The following RGS6 variants were observed in gnomAD, a reference collection of about 807,000 sequenced individuals.
RGS6 encodes regulator of G protein signaling 6, also known as regulator of G-protein signaling 6.
Under a neutral mutation model 78.5 loss-of-function variants are expected in RGS6, and 30 were observed. That is an observed-to-expected ratio of 0.38 (90% CI 0.29 to 0.52). The LOEUF (loss-of-function observed/expected upper bound fraction) is 0.52. RGS6 is among the 20% of genes least tolerant of loss of function. The pLI is 0.85. For synonymous variants in RGS6, 206 were observed against 206.0 expected, an observed-to-expected ratio of 1.00 and a Z score of 0.00; for missense variants, 495 against 609.7, an observed-to-expected ratio of 0.81 and a Z score of 1.98.
chr14:72,395,706 C>T lies in RGS6; in HGVS notation c.184+43512C>T, dbSNP rs553865610. Among the ~76,000 whole-genome samples, 121 of 152,026 alleles carry T rather than the reference C, an allele frequency of 8.0e-4. 2 individuals are homozygous for T. In the South Asian group the frequency reaches 0.017, roughly 22 times the overall value. The stretch of plus-strand genomic sequence containing the variant: ...CTTCCCCCCACCCCACAACAGGCCC[C>T]GGTGTGTGATGTTCCCCGTCCTGTG... On this transcript the variant is annotated intron_variant, in intron 3 of 17. Coordinates refer to ENST00000553525, the MANE Select transcript of RGS6 (RefSeq NM_001204424.2).
chr14:72,463,431 C>T (rs1448629269), intron 6 of RGS6, among the ~76,000 whole-genome samples: 1 of 152,190 alleles, frequency 6.6e-6, no homozygotes, highest in Non-Finnish European at 1.5e-5. Context: ...TGAAAAGATT[C>T]CTTGTGTGAC....
chr14:72,129,652 G>T (rs147728733), intron 2 of RGS6, among the ~76,000 whole-genome samples: 1 of 152,162 alleles, frequency 6.6e-6, no homozygotes, highest in South Asian at 2.1e-4. Flanking sequence ...CTCCTTCTCA[G>T]GGCCTCTGCT....
intron 2 of RGS6, among the ~76,000 whole-genome samples, chr14:72,062,754 T>G (rs1347189153): frequency 6.6e-6 from 1 of 152,176 alleles, no homozygotes; most frequent in Non-Finnish European, 1.5e-5. Flanking sequence ...GGGGAAAGTT[T>G]AGGACTGGAG....
intron 2 of RGS6, among the ~76,000 whole-genome samples, chr14:72,334,976 C>T (rs1279082862): frequency 3.3e-5 from 5 of 152,082 alleles, no homozygotes; most frequent in African/African-American, 1.2e-4. Flanking sequence ...CTATAATTCC[C>T]TTGTGTCGTG....
At chr14:72,437,532 G>A (rs1318504648) in intron 3 of RGS6, among the ~76,000 whole-genome samples, 1 of 152,024 alleles carries the variant, frequency 6.6e-6, no homozygotes, top group African/African-American at 2.4e-5. Flanking sequence ...AATCCATTTT[G>A]CAAGTAACCA....
intron 3 of RGS6, among the ~76,000 whole-genome samples, chr14:72,430,582 TGTA>T (rs2094587012): frequency 6.6e-6 from 1 of 152,210 alleles, no homozygotes; most frequent in African/African-American, 2.4e-5. Context: ...TGTCCTCAGT[TGTA>T]CTCAGCAAAA....
chr14:72,115,961 G>T (rs2153559211), intron 2 of RGS6, among the ~76,000 whole-genome samples: 1 of 152,290 alleles, frequency 6.6e-6, no homozygotes, highest in South Asian at 2.1e-4. Flanking sequence ...GTTCTTAGAT[G>T]CAGACATCAG....
intron 2 of RGS6, among the ~76,000 whole-genome samples, chr14:72,049,092 G>T (rs1048880527): frequency 1.3e-5 from 2 of 152,200 alleles, no homozygotes; most frequent in African/African-American, 2.4e-5. Flanking sequence ...GAAGAGAAAA[G>T]TATAACAGTG....
the RGS6 span, among the ~76,000 whole-genome samples, chr14:71,881,487 A>G: frequency 1.3e-5 from 2 of 152,200 alleles, no homozygotes; most frequent in Non-Finnish European, 2.9e-5. Flanking sequence ...TAATTGAATC[A>G]TGGGGGCAGT....
At chr14:72,194,177 T>G (rs1194412414) in intron 2 of RGS6, among the ~76,000 whole-genome samples, 1 of 152,016 alleles carries the variant, frequency 6.6e-6, no homozygotes, top group Non-Finnish European at 1.5e-5. Context: ...AAGGCGGAGT[T>G]CATTCACCAT....
the RGS6 span, among the ~76,000 whole-genome samples, chr14:72,600,927 C>T: frequency 5.2e-4 from 79 of 151,042 alleles, no homozygotes; most frequent in African/African-American, 5.6e-4. Flanking sequence ...GCTGCAGCTG[C>T]GGGAAAGAGG....
At chr14:72,029,044 T>C (rs887123353) in intron 2 of RGS6, among the ~76,000 whole-genome samples, 2 of 152,208 alleles carry the variant, frequency 1.3e-5, no homozygotes, top group African/African-American at 4.8e-5. Context: ...TTTTCTTACA[T>C]CAGGAAGAGT....
chr14:72,498,952 G>A (rs920550330), intron 13 of RGS6, among the ~76,000 whole-genome samples: 3 of 152,150 alleles, frequency 2.0e-5, no homozygotes, highest in Admixed American at 2.0e-4. Context: ...TGTGGTCCAA[G>A]AACAGATTAA....
chr14:72,608,820 C>G, the RGS6 span, among the ~76,000 whole-genome samples: 1 of 152,190 alleles, frequency 6.6e-6, no homozygotes, highest in African/African-American at 2.4e-5. Flanking sequence ...ATTTGTTGCT[C>G]CTGGAGTCTC....
intron 2 of RGS6, among the ~76,000 whole-genome samples, chr14:72,104,222 G>A (rs540825582): frequency 2.0e-5 from 3 of 152,136 alleles, no homozygotes; most frequent in African/African-American, 7.2e-5. Context: ...TGGCGCTGTC[G>A]GGGATCCCCA....
chr14:72,451,533 T>A (rs1273975806), intron 3 of RGS6, among the ~76,000 whole-genome samples: 1 of 151,888 alleles, frequency 6.6e-6, no homozygotes, highest in East Asian at 1.9e-4. Context: ...AGGAAGGAGT[T>A]TCAATGTGAA....
At chr14:72,484,436 T>C (rs1318231383) in intron 12 of RGS6, among the ~76,000 whole-genome samples, 1 of 152,182 alleles carries the variant, frequency 6.6e-6, no homozygotes, top group Non-Finnish European at 1.5e-5. Context: ...GCTCCATATA[T>C]GTGTCCTTAG....
At chr14:72,474,741 G>A in intron 10 of RGS6, 42 bp downstream of exon 10, 3 of 1,504,060 alleles carry the variant, frequency 2.0e-6, no homozygotes, top group East Asian at 2.3e-5. Context: ...GATGTGAATA[G>A]CCCTTCCAGT....
chr14:72,022,408 C>T (rs2088845550), intron 2 of RGS6: 1 of 151,872 alleles, frequency 6.6e-6, no homozygotes, highest in African/African-American at 2.4e-5. Flanking sequence ...AGTTTTTTTT[C>T]AAGACTAGTC....
Sources: allele counts gnomAD v4.1 joint callset (sites outside exome capture counted in the v4.1 genomes callset), GRCh38; gene constraint gnomAD v4.1.1; transcripts MANE v1.5; gene names NCBI Gene and HGNC (gene_info 2026-07-23, HGNC 2026-07-21).